Variants in KAT6A observed in about 807,000 individuals in gnomAD.
KAT6A encodes the protein lysine acetyltransferase 6A.
KAT6A carries 9 observed loss-of-function variants against 198.4 expected under a neutral mutation model. That is an observed-to-expected ratio of 0.05 (90% CI 0.03 to 0.08). KAT6A has a LOEUF of 0.08. Among genes scored for constraint, KAT6A ranks in the 10% least tolerant of loss-of-function variants. The pLI, the probability that KAT6A is intolerant of heterozygous loss-of-function variation, is 1.00. For synonymous variants in KAT6A, 890 were observed against 883.0 expected (o/e 1.01, Z -0.14); for missense variants, 2,077 against 2,509.9 (o/e 0.83, Z 3.69).
Position 41,933,148 on chromosome 8 carries a change from G to A in KAT6A, c.5072C>T (p.Pro1691Leu). The change falls in exon 17 of 17, where the codon CCA (proline) becomes CTA (leucine). Residue 1691 changes from proline to leucine, a missense_variant. Physicochemically the swap from Pro to Leu is moderately conservative, Grantham distance 98. Coordinates refer to ENST00000265713, the MANE Select transcript of KAT6A (RefSeq NM_006766.5). The surrounding 1 kb of genome is among the most constrained non-coding windows in gnomAD (Gnocchi z 6.2). ...CTGCTGCTGGGGAGGGGGTGGGGGTGGAGGCTGCTGGGGCTGAGGCTGCGG... is the reference window on the plus strand; with the variant it reads ...CTGCTGCTGGGGAGGGGGTGGGGGTAGAGGCTGCTGGGGCTGAGGCTGCGG... The part of the protein sequence containing the change: ...QQPQPQPQQP[P>L]PPPPPQQQPP... The A allele has an allele frequency of 6.2e-7, 1 of 1,604,136 alleles. No homozygotes were observed. Among genetic ancestry groups the A allele is most frequent in the South Asian group, 1.1e-5 (1 of 90,540 alleles).
At position 42,029,198 on chromosome 8, in the gene KAT6A, CCTG is replaced by C. The variant is rs145747776; in HGVS notation, c.600+19177_600+19179del. 2.0e-3 allele frequency among the ~76,000 whole-genome samples: 310 copies of C among 152,228 alleles called. 1 individual carries two copies. Among genetic ancestry groups the C allele is most frequent in the African/African-American group, 7.0e-3 (289 of 41,550 alleles). On this transcript the variant is annotated intron_variant, in intron 2 of 16. Coordinates refer to ENST00000265713, the MANE Select transcript of KAT6A (RefSeq NM_006766.5). Reference sequence around the variant, plus strand: ...TTATATTGTGATTCACTGCTTTCCTCCTGCTATTTTTAGAATTCTCTGTCTTTG... The same window carrying C: ...TTATATTGTGATTCACTGCTTTCCTCCTATTTTTAGAATTCTCTGTCTTTG...
intron 2 of KAT6A, among the ~76,000 whole-genome samples, chr8:42,012,732 T>C (rs2355642): frequency 0.29 from 43,993 of 152,130 alleles, 6,510 homozygotes; most frequent in Middle Eastern, 0.45. Flanking sequence ...AGGAAACTAC[T>C]GTACTATATT....
At chr8:42,035,779 T>C (rs1827345543) in intron 2 of KAT6A, among the ~76,000 whole-genome samples, 1 of 152,188 alleles carries the variant, frequency 6.6e-6, no homozygotes, top group Non-Finnish European at 1.5e-5. Context: ...TATAGACTTT[T>C]TTCAAGAAGT....
intron 2 of KAT6A, among the ~76,000 whole-genome samples, chr8:42,031,288 T>C (rs529549766): frequency 6.6e-6 from 1 of 152,284 alleles, no homozygotes; most frequent in Admixed American, 6.5e-5. Context: ...ATTATATGGG[T>C]AATACAAAAC....
intron 3 of KAT6A, among the ~76,000 whole-genome samples, chr8:41,985,572 T>C (rs1010138254): frequency 6.6e-6 from 1 of 152,204 alleles, no homozygotes; most frequent in Non-Finnish European, 1.5e-5. Flanking sequence ...ATTGTAATGA[T>C]GGCCAAACTT....
chr8:42,042,329 C>T (rs752573591), intron 2 of KAT6A, among the ~76,000 whole-genome samples: 6 of 151,796 alleles, frequency 4.0e-5, no homozygotes, highest in East Asian at 1.9e-4. Context: ...TGGTGGCATG[C>T]GCCTATAATC....
At chr8:42,007,831 G>A (rs533370555) in intron 2 of KAT6A, among the ~76,000 whole-genome samples, 2 of 151,852 alleles carry the variant, frequency 1.3e-5, no homozygotes, top group African/African-American at 4.8e-5. Context: ...GTGTGATGGC[G>A]GGCGCCTGTA....
intron 9 of KAT6A, 32 bp downstream of exon 9, chr8:41,955,264 A>G (rs750513265): frequency 1.5e-6 from 2 of 1,329,304 alleles, no homozygotes; most frequent in South Asian, 1.2e-5. Context: ...ATGGATCTCA[A>G]AACAGAAGGT....
At chr8:41,989,858 A>G (rs1490445012) in intron 2 of KAT6A, among the ~76,000 whole-genome samples, 5 of 152,344 alleles carry the variant, frequency 3.3e-5, no homozygotes, top group Admixed American at 6.5e-5. Flanking sequence ...TGGAACACCA[A>G]TATCAAAACA....
rs1237273580 is a variant in KAT6A, at chr8:42,010,590, C to T, written c.601-23027G>A. ...CGATTCCAAACCCTCAGCCTCAGGG[C>T]GCCCTACTGTGCAACAAGTCTGATT... On this transcript the variant is annotated intron_variant, in intron 2 of 16. Transcript: ENST00000265713. Among the ~76,000 whole-genome samples, 6 of 152,142 alleles carry T rather than the reference C, an allele frequency of 3.9e-5. No homozygotes were observed. The East Asian group carries it at 9.6e-4, about 24-fold the overall frequency.
chr8:41,934,174 T>C lies in KAT6A; in HGVS notation c.4046A>G (p.Glu1349Gly). The C allele has an allele frequency of 6.2e-7, 1 of 1,614,180 alleles. No homozygotes were observed. The highest frequency in any genetic ancestry group is 8.5e-7 in the Non-Finnish European group (1 of 1,180,026). The change falls in exon 17 of 17, where the codon GAG becomes GGG. Residue 1349 changes from glutamate to glycine, a missense_variant. By Grantham distance (98) the Glu-to-Gly change is moderately conservative (BLOSUM62 -2). Coordinates refer to ENST00000265713, the MANE Select transcript of KAT6A (RefSeq NM_006766.5). Reference protein sequence around the residue: ...EDVKEEPGVQESFLDANMQKS... With the variant: ...EDVKEEPGVQGSFLDANMQKS... ...CTGCATATTAGCATCTAAAAAAGAC[T>C]CTTGAACACCAGGCTCCTCCTTGAC... is the stretch of plus-strand genomic sequence containing the variant.
intron 8 of KAT6A, among the ~76,000 whole-genome samples, chr8:41,965,075 T>C (rs1358796850): frequency 1.3e-5 from 2 of 152,166 alleles, no homozygotes; most frequent in Non-Finnish European, 2.9e-5. Context: ...GTGGAGATGA[T>C]ATAGAAAACA....
intron 3 of KAT6A, among the ~76,000 whole-genome samples, chr8:41,984,536 C>T (rs769869466): frequency 1.3e-5 from 2 of 152,140 alleles, no homozygotes; most frequent in Non-Finnish European, 2.9e-5. Context: ...GTCAAAACCA[C>T]CCAGATAAGC....
At position 41,931,354 on chromosome 8, in the gene KAT6A, CTA is replaced by C. The variant is rs1189649903; in HGVS notation, c.*849_*850del. ...CTTTTTGATTGTTAATTGACCATCT[CTA>C]TTCCTCCAAAGGCTGGATTTGGATT... is the stretch of plus-strand genomic sequence containing the variant. On this transcript the variant is annotated 3_prime_UTR_variant, in exon 17 of 17. Coordinates refer to ENST00000265713, the MANE Select transcript of KAT6A (RefSeq NM_006766.5). The C allele has an allele frequency of 6.0e-5, 13 of 217,068 alleles. No individual in the cohort carries two copies. Among genetic ancestry groups the C allele is most frequent in the African/African-American group, 2.7e-4 (12 of 44,478 alleles). 13.4% of individuals were successfully genotyped at this position (217,068 alleles called of 1,614,324 possible).
At chr8:42,042,181 G>C (rs115858429) in intron 2 of KAT6A, among the ~76,000 whole-genome samples, 1 of 152,070 alleles carries the variant, frequency 6.6e-6, no homozygotes, top group Non-Finnish European at 1.5e-5. Flanking sequence ...ATCCCTGGCC[G>C]GGCACGGTGG....
At chr8:42,023,697 A>C (rs545116916) in intron 2 of KAT6A, among the ~76,000 whole-genome samples, 1 of 151,812 alleles carries the variant, frequency 6.6e-6, no homozygotes, top group African/African-American at 2.4e-5. Flanking sequence ...ATGTTGCCCA[A>C]GTTGGTTGCA....
At chr8:41,984,693 C>T (rs1008683077) in intron 3 of KAT6A, among the ~76,000 whole-genome samples, 6 of 152,162 alleles carry the variant, frequency 3.9e-5, no homozygotes, top group African/African-American at 1.4e-4. Context: ...GTTACCGCTA[C>T]AGGGGCTGGG....
intron 8 of KAT6A, among the ~76,000 whole-genome samples, chr8:41,956,889 A>C (rs920235201): frequency 6.6e-6 from 1 of 152,270 alleles, no homozygotes; most frequent in African/African-American, 2.4e-5. Context: ...TTCTAGAATC[A>C]ACTACTCTAA....
chr8:41,947,992 C>G (rs937937499), intron 10 of KAT6A, 80 bp from the exon 11 acceptor site: 3 of 1,176,272 alleles, frequency 2.6e-6, no homozygotes, highest in Non-Finnish European at 3.6e-6. Context: ...AAAAGCATCT[C>G]TAGATATCCA....
Sources: gnomAD v4.1 joint callset for allele counts (sites outside exome capture counted in the v4.1 genomes callset) on GRCh38, gnomAD v4.1.1 for gene constraint, Gnocchi (gnomAD v3.1) non-coding constraint, MANE v1.5 for transcripts, NCBI Gene and HGNC (gene_info 2026-07-23, HGNC 2026-07-21) for gene names.